Variants in ADGRL1 observed in about 807,000 individuals in gnomAD.
ADGRL1 encodes CIRL-1.
In ADGRL1, 31 loss-of-function variants were observed where a neutral mutation model predicts 148.9. That is an observed-to-expected ratio of 0.21 (90% CI 0.16 to 0.28). The LOEUF is 0.28. Ranked by LOEUF, ADGRL1 falls within the 10% of genes least tolerant of loss-of-function variation. The probability of loss-of-function intolerance (pLI) is 1.00; values close to 1 mark genes in which losing one functional copy is unlikely to be tolerated. For synonymous variants in ADGRL1, 937 were observed against 900.3 expected, an observed-to-expected ratio of 1.04 and a Z score of -0.73; for missense variants, 1,521 against 2,058.8, an observed-to-expected ratio of 0.74 and a Z score of 5.05.
At position 14,156,552 on chromosome 19, in the gene ADGRL1, A is replaced by AGTGTGTGT. The variant is rs3830196; in HGVS notation, c.3033+98_3033+105dup. The AGTGTGTGT allele has an allele frequency of 5.4e-5, 25 of 459,220 alleles. No individual in the cohort carries two copies. In the Admixed American group the frequency reaches 7.9e-4, roughly 15 times the overall value. The allele number at this position is 459,220 out of a possible 1,614,324, so 28.4% of individuals were successfully genotyped here. A position where few individuals can be genotyped will look rare whatever the true frequency, so the allele number is the denominator to read the frequency against. Reference sequence around the variant, plus strand: ...AGTTCCGATGTGTGGAGAGAGAGAGAGTGTGTGTGTGTGTGGGGGGGGTGG... The same window carrying AGTGTGTGT: ...AGTTCCGATGTGTGGAGAGAGAGAGAGTGTGTGTGTGTGTGTGTGTGTGGGGGGGGTGG... On this transcript the variant is annotated intron_variant, in intron 16 of 22. Coordinates refer to ENST00000361434, the MANE Select transcript of ADGRL1 (RefSeq NM_014921.5).
chr19:14,205,742 C>A (rs1027731773), intron 1 of ADGRL1, among the ~76,000 whole-genome samples: 26 of 151,380 alleles, frequency 1.7e-4, no homozygotes, highest in Non-Finnish European at 3.2e-4. Context: ...CGCACCCCCG[C>A]GCCCCGGGCG....
chr19:14,160,129 C>T lies in ADGRL1; in HGVS notation c.1783G>A (p.Gly595Ser), dbSNP rs141014209. The change falls in exon 8 of 23, where the codon GGC becomes AGC. Residue 595 changes from glycine to serine, a missense_variant. Physicochemically the swap from Gly to Ser is moderately conservative, Grantham distance 56 (BLOSUM62 0). This residue lies in a region of ADGRL1 where 265 missense variants were observed against 431.9 expected (regional missense o/e 0.61). Transcript: ENST00000361434. This position sits in a 1 kb window ranked among gnomAD's most constrained non-coding sequence, Gnocchi z 5.9. ...ALRPIERESA[G>S]KNYNKMHKRE... The stretch of plus-strand genomic sequence containing the variant: ...GGCCCCACCTTGTTGTAGTTCTTGC[C>T]GGCTGACTCGCGCTCGATGGGCCGC... 2.9e-5 allele frequency: 46 copies of T among 1,584,378 alleles called. No homozygotes were observed. Among genetic ancestry groups the T allele is most frequent in the South Asian group, 1.2e-4 (11 of 90,182 alleles).
intron 1 of ADGRL1, among the ~76,000 whole-genome samples, chr19:14,194,760 G>A (rs1357100816): frequency 6.6e-6 from 1 of 150,624 alleles, no homozygotes; most frequent in Non-Finnish European, 1.5e-5. Context: ...AGCTGGTCAC[G>A]CCTGGACGTT....
chr19:14,188,343 C>G (rs1971716091), intron 1 of ADGRL1, among the ~76,000 whole-genome samples: 1 of 152,154 alleles, frequency 6.6e-6, no homozygotes, highest in African/African-American at 2.4e-5. Context: ...TGTGCACAGC[C>G]TGGTGCCAGT....
rs551468967 is a variant in ADGRL1 at position 14,150,660 on chromosome 19, C to T, written c.*213G>A. 1.2e-5 allele frequency: 7 copies of T among 586,802 alleles called. No homozygotes were observed. The highest frequency in any genetic ancestry group is 6.0e-5 in the East Asian group (2 of 33,104). 36.3% of individuals were successfully genotyped at this position (586,802 alleles called of 1,614,324 possible). A position where few individuals can be genotyped will look rare whatever the true frequency, so the allele number is the denominator to read the frequency against. The stretch of plus-strand genomic sequence containing the variant: ...ACACTTCCCCCAAATAGAGCTGGTG[C>T]GTGTGGCTGGTGGGAAACCCTGTCT... On this transcript the variant is annotated 3_prime_UTR_variant, in exon 23 of 23. Transcript: ENST00000361434.
chr19:14,161,678 A>T lies in ADGRL1; in HGVS notation c.1196-52T>A. 2.4e-6 allele frequency: 3 copies of T among 1,266,658 alleles called. No homozygotes were observed. Among genetic ancestry groups the T allele is most frequent in the Non-Finnish European group, 3.0e-6 (3 of 985,446 alleles). The allele number at this position is 1,266,658 out of a possible 1,614,324, so 78.5% of individuals were successfully genotyped here. ...ATCCCCATGCTCAGGGCCATGCCAC[A>T]GTGTGCTTGGGCAGGGGGTCCCAGG... On this transcript the variant is annotated intron_variant, in intron 5 of 22. Transcript: ENST00000361434. The surrounding 1 kb of genome is among the most constrained non-coding windows in gnomAD (Gnocchi z 4.4).
chr19:14,157,664 C>T lies in ADGRL1; in HGVS notation c.2536-204G>A, dbSNP rs1231302813. Among the ~76,000 whole-genome samples, 3 of 152,242 alleles carry T rather than the reference C, an allele frequency of 2.0e-5. No individual in the cohort carries two copies. Among genetic ancestry groups the T allele is most frequent in the African/African-American group, 4.8e-5 (2 of 41,466 alleles). ...GGAAGGCTTGTGGAGAGATGACCAA[C>T]GTAACACCAACTTGCTTCTCCAGAG... On this transcript the variant is annotated intron_variant, in intron 13 of 22. Transcript: ENST00000361434. The surrounding 1 kb of genome is among the most constrained non-coding windows in gnomAD (Gnocchi z 7.5).
intron 2 of ADGRL1, among the ~76,000 whole-genome samples, chr19:14,181,170 T>C (rs931506692): frequency 6.6e-6 from 1 of 152,260 alleles, no homozygotes; most frequent in Admixed American, 6.5e-5. Flanking sequence ...GTCATTGGTG[T>C]CAGAAGTGAG....
chr19:14,181,973 C>T (rs1255714491), intron 2 of ADGRL1, among the ~76,000 whole-genome samples: 1 of 152,188 alleles, frequency 6.6e-6, no homozygotes. Flanking sequence ...GGCTGAGCTC[C>T]CTGGGGGGAT....
chr19:14,151,676 T>A, intron 22 of ADGRL1, 61 bp from the exon 23 acceptor site: 2 of 1,475,088 alleles, frequency 1.4e-6, no homozygotes, highest in Non-Finnish European at 1.8e-6. Context: ...TAGGGGACAG[T>A]GAGGGGGTGC....
chr19:14,150,932 C>G lies in ADGRL1; in HGVS notation c.4351G>C (p.Gly1451Arg). 6.2e-7 allele frequency: 1 copy of G among 1,611,406 alleles called. No homozygotes were observed. The highest frequency in any genetic ancestry group is 8.5e-7 in the Non-Finnish European group (1 of 1,179,484). The change falls in exon 23 of 23, where the codon GGC becomes CGC. Residue 1451 changes from glycine to arginine, a missense_variant. This residue lies in a region of ADGRL1 where 390 missense variants were observed against 375.0 expected (regional missense o/e 1.04). Coordinates refer to ENST00000361434, the MANE Select transcript of ADGRL1 (RefSeq NM_014921.5). ...PSHEGYLAAP[G>R]LEGPGPDGDG... ...CCATCGGGCCCTGGCCCCTCAAGGC[C>G]TGGGGCTGCCAGGTAGCCCTCGTGG...
At position 14,151,552 on chromosome 19, in the gene ADGRL1, T is replaced by C. The variant is rs1198314518; in HGVS notation, c.3731A>G (p.Asn1244Ser). Residue 1244 changes from asparagine (N) to serine (S), a missense_variant, in exon 23 of 23, where the codon AAT becomes AGT. Physicochemically the swap from Asn to Ser is conservative, Grantham distance 46. This residue lies in a region of ADGRL1 where 390 missense variants were observed against 375.0 expected (regional missense o/e 1.04). Coordinates refer to ENST00000361434, the MANE Select transcript of ADGRL1 (RefSeq NM_014921.5). ...CCCACTTCGCAAGGAGTAACTGTTA[T>C]TGAAGTTGCCGTTCAGGGGCAGGGT... ...MDTLPLNGNF[N>S]NSYSLRSGDF... is the part of the protein sequence containing the mutation. 1.4e-5 allele frequency: 22 copies of C among 1,611,200 alleles called. No individual in the cohort carries two copies. The highest frequency in any genetic ancestry group is 1.7e-5 in the Non-Finnish European group (20 of 1,179,370).
At chr19:14,167,003 A>G in intron 4 of ADGRL1, 1 of 1,612,984 alleles carries the variant, frequency 6.2e-7, no homozygotes, top group African/African-American at 1.3e-5. Context: ...AGCATTGGTA[A>G]CAGTGCGTTT....
rs369413822 is a variant in ADGRL1, at chr19:14,177,638, C to T, written c.177G>A (p.Glu59=). ...RCPGSDVIMV[E]NANYGRTDDK... is the part of the protein sequence containing the mutation. ...CGTCCGTGCGCCCGTAGTTGGCATT[C>T]TCCACCATGATGACGTCGCTGCCGG... The change falls in exon 3 of 23, where the codon GAG becomes GAA. Residue 59 remains glutamate, a synonymous_variant. Coordinates refer to ENST00000361434, the MANE Select transcript of ADGRL1 (RefSeq NM_014921.5). 5 of 1,614,248 alleles carry T rather than the reference C, an allele frequency of 3.1e-6. No individual in the cohort carries two copies. The highest frequency in any genetic ancestry group is 4.2e-6 in the Non-Finnish European group (5 of 1,180,050).
Position 14,157,186 on chromosome 19 carries a change from G to A in ADGRL1, c.2746-41C>T. ...AGGGTGAGGGGCTGCTGCCTGGACA[G>A]GTGTCCCCCTTCTTCTCCCGGCCCC... On this transcript the variant is annotated intron_variant, in intron 14 of 22. Coordinates refer to ENST00000361434, the MANE Select transcript of ADGRL1 (RefSeq NM_014921.5). The surrounding 1 kb of genome is among the most constrained non-coding windows in gnomAD (Gnocchi z 7.5). The A allele has an allele frequency of 6.2e-7, 1 of 1,613,070 alleles. No homozygotes were observed. The highest frequency in any genetic ancestry group is 8.5e-7 in the Non-Finnish European group (1 of 1,179,280).
chr19:14,159,021 C>A lies in ADGRL1; in HGVS notation c.2149+69G>T. 1 of 1,587,186 alleles carries A rather than the reference C, an allele frequency of 6.3e-7. No individual in the cohort carries two copies. The highest frequency in any genetic ancestry group is 8.6e-7 in the Non-Finnish European group (1 of 1,162,968). ...CTGCCCTCTACAAATGGCACAGAGACGCTGGCACAGAGCTGGGGGGTGGGG... is the reference window on the plus strand; with the variant it reads ...CTGCCCTCTACAAATGGCACAGAGAAGCTGGCACAGAGCTGGGGGGTGGGG... On this transcript the variant is annotated intron_variant, in intron 11 of 22. Transcript: ENST00000361434. The surrounding 1 kb of genome is among the most constrained non-coding windows in gnomAD (Gnocchi z 6.0).
chr19:14,152,021 TG>T lies in ADGRL1; in HGVS notation c.3667+111del. The T allele has an allele frequency of 1.0e-6, 1 of 963,040 alleles. No individual in the cohort carries two copies. Among genetic ancestry groups the T allele is most frequent in the Non-Finnish European group, 1.7e-6 (1 of 596,170 alleles). 59.7% of individuals were successfully genotyped at this position (963,040 alleles called of 1,614,324 possible). ...CTGTGTGTCGGGGGGTGGGGAAATG[TG>T]GGCATGGGGAGGCATCCCGAGTTCT... On this transcript the variant is annotated intron_variant, in intron 22 of 22. Transcript: ENST00000361434. This position sits in a 1 kb window ranked among gnomAD's most constrained non-coding sequence, Gnocchi z 6.1.
chr19:14,199,436 T>TA (rs1397446583), intron 1 of ADGRL1, among the ~76,000 whole-genome samples: 1 of 151,620 alleles, frequency 6.6e-6, no homozygotes, highest in Non-Finnish European at 1.5e-5. Context: ...TTTTTTTTTT[T>TA]AATCGTATTT....
At chr19:14,187,951 T>C (rs1186043782) in intron 1 of ADGRL1, among the ~76,000 whole-genome samples, 1 of 152,022 alleles carries the variant, frequency 6.6e-6, no homozygotes. Context: ...AATGGCTGGC[T>C]TGGTACGGTG....
Sources: gnomAD v4.1 joint callset for allele counts (sites outside exome capture counted in the v4.1 genomes callset) on GRCh38, gnomAD v4.1.1 for gene constraint, gnomAD v4.1.1 regional missense constraint, Gnocchi (gnomAD v3.1) non-coding constraint, MANE v1.5 for transcripts, NCBI Gene and HGNC (gene_info 2026-07-23, HGNC 2026-07-21) for gene names.